Variants in FER1L5 observed in about 807,000 individuals in gnomAD.
FER1L5 encodes fer-1 like family member 5, also known as fer-1-like protein 5.
Under a neutral mutation model 279.9 loss-of-function variants are expected in FER1L5, and 187 were observed. The observed-to-expected ratio is 0.67, with a 90% CI of 0.59 to 0.75. FER1L5 has a LOEUF of 0.75. Among genes scored for constraint, FER1L5 ranks in the 30% least tolerant of loss-of-function variants. FER1L5 has a pLI of 0.00. For missense variants in FER1L5, 2,091 were observed against 2,594.4 expected (o/e 0.81, Z 4.21); for synonymous variants, 921 against 989.7 (o/e 0.93, Z 1.30).
At chr2:96,668,646 A>C (rs2076213420) in intron 14 of FER1L5, 105 bp from the exon 15 acceptor site, 1 of 1,341,344 alleles carries the variant, frequency 7.5e-7, no homozygotes, top group African/African-American at 1.5e-5. Flanking sequence ...TAACTGAGCC[A>C]GGACTTGCTC....
chr2:96,681,859 G>A (rs942560912), intron 19 of FER1L5, among the ~76,000 whole-genome samples: 13 of 151,268 alleles, frequency 8.6e-5, no homozygotes, highest in African/African-American at 1.7e-4. Context: ...GCGTTATCTC[G>A]GCTCACTGCA....
In FER1L5 at chr2:96,704,810, T is replaced by C. The variant is rs1284682016; in HGVS notation, c.*118T>C. ...CAAGATGCTAGGAATATTCTGGCTATTGTGTTCAGAAATCACTTTCAACAA... is the reference window on the plus strand; with the variant it reads ...CAAGATGCTAGGAATATTCTGGCTACTGTGTTCAGAAATCACTTTCAACAA... On this transcript the variant is annotated 3_prime_UTR_variant, in exon 53 of 53. Coordinates refer to ENST00000624922, the MANE Select transcript of FER1L5 (RefSeq NM_001293083.2). 3.9e-6 allele frequency: 3 copies of C among 778,470 alleles called. No individual in the cohort carries two copies. The highest frequency in any genetic ancestry group is 2.6e-5 in the East Asian group (1 of 37,972). The allele number at this position is 778,470 out of a possible 1,614,324, so 48.2% of individuals were successfully genotyped here.
chr2:96,651,237 C>CTCTTTCTTTCTTTCTTTCTT (rs70964882), intron 6 of FER1L5, among the ~76,000 whole-genome samples: 2 of 128,518 alleles, frequency 1.6e-5, no homozygotes, highest in East Asian at 2.4e-4. Flanking sequence ...TTCTTTCTTT[C>CTCTTTCTTTCTTTCTTTCTT]TCTTTCTTTC....
At chr2:96,659,290 T>TTCCTTCCTCCCTTCCTTCCTTCC (rs1553449027) in intron 9 of FER1L5, among the ~76,000 whole-genome samples, 1 of 80,942 alleles carries the variant, frequency 1.2e-5, no homozygotes, top group East Asian at 3.2e-4. Flanking sequence ...TTTATCAAGC[T>TTCCTTCCTCCCTTCCTTCCTTCC]TTCCTTCCTT....
intron 19 of FER1L5, 54 bp downstream of exon 19, chr2:96,673,308 T>C: frequency 6.7e-7 from 1 of 1,482,354 alleles, no homozygotes; most frequent in Non-Finnish European, 9.1e-7. Context: ...TGCCAGGCCC[T>C]GTGCTAGGCT....
At chr2:96,685,296 G>A (rs370244549) in intron 20 of FER1L5, 33 bp from the exon 21 acceptor site, 74 of 1,536,838 alleles carry the variant, frequency 4.8e-5, no homozygotes, top group African/African-American at 2.3e-4. Context: ...ATGCTGAGGC[G>A]GGCTCTCTCA....
rs747418891 is a variant in FER1L5 at position 96,697,629 on chromosome 2, C to A, written c.4135-31C>A. The A allele has an allele frequency of 3.6e-5, 58 of 1,613,918 alleles. No individual in the cohort carries two copies. In the South Asian group the frequency reaches 6.4e-4, roughly 18 times the overall value. On this transcript the variant is annotated intron_variant, in intron 38 of 52. Transcript: ENST00000624922. ...CAGGGAGGTGGGGGGCTGCCCCTGCCCGAGGCCAGAATGATCCTCTTCTCT... is the reference window on the plus strand; with the variant it reads ...CAGGGAGGTGGGGGGCTGCCCCTGCACGAGGCCAGAATGATCCTCTTCTCT...
intron 4 of FER1L5, among the ~76,000 whole-genome samples, chr2:96,648,696 T>C (rs923831178): frequency 1.3e-5 from 2 of 152,226 alleles, no homozygotes; most frequent in Non-Finnish European, 2.9e-5. Flanking sequence ...CAGGCTGGCT[T>C]CCTGGGCTGG....
intron 18 of FER1L5, 24 bp from the exon 19 acceptor site, chr2:96,673,053 G>A (rs770939831): frequency 6.5e-7 from 1 of 1,548,906 alleles, no homozygotes; most frequent in Admixed American, 2.0e-5. Context: ...TGGGTATGGG[G>A]GGTGGGGGCG....
intron 30 of FER1L5, 64 bp from the exon 31 acceptor site, chr2:96,692,040 G>A: frequency 6.5e-7 from 1 of 1,542,354 alleles, no homozygotes; most frequent in Non-Finnish European, 8.8e-7. Flanking sequence ...GACAGGGTGG[G>A]GGCAGTCAGA....
intron 37 of FER1L5, among the ~76,000 whole-genome samples, chr2:96,696,686 A>C (rs952827521): frequency 7.2e-5 from 11 of 151,886 alleles, no homozygotes; most frequent in Non-Finnish European, 1.0e-4. Flanking sequence ...ATGTTACTTA[A>C]GGTCACGAGT....
Position 96,689,506 on chromosome 2 carries a change from G to T in FER1L5, c.2525+130G>T. On this transcript the variant is annotated intron_variant, in intron 25 of 52. Transcript: ENST00000624922. The surrounding 1 kb of genome is among the most constrained non-coding windows in gnomAD (Gnocchi z 4.6). ...AGAGGGCCGAGGTGCACCAGGCCAA[G>T]GGCCCTGCCCACCACCCTGTCCTGC... 1 of 1,461,664 alleles carries T rather than the reference G, an allele frequency of 6.8e-7. No individual in the cohort carries two copies. The highest frequency in any genetic ancestry group is 9.3e-7 in the Non-Finnish European group (1 of 1,074,514). The allele number at this position is 1,461,664 out of a possible 1,614,324, so 90.5% of individuals were successfully genotyped here.
rs1174480691 is a variant in FER1L5 at position 96,704,685 on chromosome 2, G to C, written c.6167G>C (p.Gly2056Ala). 2 of 1,613,658 alleles carry C rather than the reference G, an allele frequency of 1.2e-6. No homozygotes were observed. The highest frequency in any genetic ancestry group is 1.7e-6 in the Non-Finnish European group (2 of 1,179,742). ...ATTTTCCCAGAACTTCCAGCCCCAG[G>C]AGACTAATTAGTCCATGCTGCCTGG... The part of the protein sequence containing the change: ...SDIFPELPAP[G>A]D The change falls in exon 53 of 53, where the codon GGA becomes GCA. Residue 2056 changes from glycine (G) to alanine (A), a missense_variant. Transcript: ENST00000624922.
intron 9 of FER1L5, among the ~76,000 whole-genome samples, chr2:96,659,361 C>CTTTCTTTCTTTCTTTCTTTCTTT (rs2075782049): frequency 1.5e-5 from 1 of 66,676 alleles, no homozygotes; most frequent in Non-Finnish European, 2.9e-5. Flanking sequence ...TTCCTTCCTT[C>CTTTCTTTCTTTCTTTCTTTCTTT]CTTCTTTCTT....
intron 20 of FER1L5, among the ~76,000 whole-genome samples, chr2:96,685,104 C>G (rs2076872663): frequency 6.6e-6 from 1 of 152,044 alleles, no homozygotes; most frequent in African/African-American, 2.4e-5. Flanking sequence ...CAGTCTTACC[C>G]CATCCCGGCT....
At position 96,678,885 on chromosome 2, in the gene FER1L5, T is replaced by A. The variant is rs142983207; in HGVS notation, c.1670-5442T>A. Among the ~76,000 whole-genome samples the A allele has an allele frequency of 4.5e-4, 69 of 152,396 alleles. 4 individuals are homozygous for A. In the East Asian group the frequency reaches 0.01, roughly 22 times the overall value. On this transcript the variant is annotated intron_variant, in intron 19 of 52. Coordinates refer to ENST00000624922, the MANE Select transcript of FER1L5 (RefSeq NM_001293083.2). ...CTGCATACAAGTCCTGTACCAGATA[T>A]GTGATTTGCAAATTGTCTGTGGCTT...
intron 14 of FER1L5, among the ~76,000 whole-genome samples, chr2:96,665,558 C>G (rs1332907206): frequency 3.3e-5 from 5 of 151,992 alleles, no homozygotes; most frequent in African/African-American, 7.2e-5. Context: ...TGTTCAGAGC[C>G]TTGGGAAATC....
In FER1L5 at chr2:96,695,653, C is replaced by T. The variant is rs1278115695; in HGVS notation, c.3886C>T (p.Leu1296Phe). The T allele has an allele frequency of 3.1e-6, 5 of 1,605,826 alleles. No homozygotes were observed. Among genetic ancestry groups the T allele is most frequent in the Middle Eastern group, 1.7e-4 (1 of 6,054 alleles). Residue 1296 changes from leucine to phenylalanine, a missense_variant, in exon 35 of 53, where the codon CTC becomes TTC. Transcript: ENST00000624922. The part of the protein sequence containing the change: ...NFPESESVLV[L>F]TVLMPTEEAY... ...CCCCGAGTCTGAGTCTGTCCTAGTCCTCACAGTGGTAAGAGGCCCCAGGGC... is the reference window on the plus strand; with the variant it reads ...CCCCGAGTCTGAGTCTGTCCTAGTCTTCACAGTGGTAAGAGGCCCCAGGGC...
intron 19 of FER1L5, among the ~76,000 whole-genome samples, chr2:96,679,228 G>GTTTT (rs764195563): frequency 7.0e-6 from 1 of 143,578 alleles, no homozygotes; most frequent in African/African-American, 2.5e-5. Context: ...CACACCTATA[G>GTTTT]TTTTTTTTTT....
Sources: allele counts gnomAD v4.1 joint callset (sites outside exome capture counted in the v4.1 genomes callset), GRCh38; gene constraint gnomAD v4.1.1; non-coding constraint Gnocchi (gnomAD v3.1); transcripts MANE v1.5; gene names NCBI Gene and HGNC (gene_info 2026-07-23, HGNC 2026-07-21).